NRCAM: variants seen among roughly 807,000 people sequenced by gnomAD.
NRCAM encodes the protein neuronal cell adhesion molecule, also known as NgCAM-related cell adhesion molecule.
Under a neutral mutation model 156.5 loss-of-function variants are expected in NRCAM, and 83 were observed. The observed-to-expected ratio is 0.53, with a 90% CI of 0.44 to 0.64. The LOEUF (loss-of-function observed/expected upper bound fraction) is 0.64. Ranked by LOEUF, NRCAM falls within the 30% of genes least tolerant of loss-of-function variation. NRCAM has a pLI of 0.00. For synonymous variants in NRCAM, 538 were observed against 563.9 expected, an observed-to-expected ratio of 0.95 and a Z score of 0.65; for missense variants, 1,417 against 1,597.3, an observed-to-expected ratio of 0.89 and a Z score of 1.92.
At chr7:108,396,909 A>G (rs918062473) in intron 2 of NRCAM, among the ~76,000 whole-genome samples, 1 of 152,222 alleles carries the variant, frequency 6.6e-6, no homozygotes, top group Non-Finnish European at 1.5e-5. Context: ...AACAAAATCT[A>G]TGTTAAAAAT....
intron 2 of NRCAM, among the ~76,000 whole-genome samples, chr7:108,358,274 G>A (rs949637901): frequency 6.6e-6 from 1 of 150,706 alleles, no homozygotes; most frequent in Non-Finnish European, 1.5e-5. Context: ...GCCTGACAGT[G>A]CATGCCTGTA....
chr7:108,405,413 A>G (rs1313894841), intron 1 of NRCAM, among the ~76,000 whole-genome samples: 1 of 152,210 alleles, frequency 6.6e-6, no homozygotes, highest in Non-Finnish European at 1.5e-5. Flanking sequence ...CATGGTCCAT[A>G]CTTGGGACTC....
At chr7:108,366,405 T>G (rs1195879963) in intron 2 of NRCAM, among the ~76,000 whole-genome samples, 2 of 152,248 alleles carry the variant, frequency 1.3e-5, no homozygotes, top group Non-Finnish European at 2.9e-5. Context: ...TGATATATTC[T>G]GAATGTCTGC....
chr7:108,368,179 G>A (rs369333436), intron 2 of NRCAM, among the ~76,000 whole-genome samples: 3 of 151,364 alleles, frequency 2.0e-5, no homozygotes, highest in East Asian at 1.9e-4. Flanking sequence ...ATTTAGCACC[G>A]GCTCTTCCTG....
intron 3 of NRCAM, among the ~76,000 whole-genome samples, chr7:108,275,788 T>C (rs968169355): frequency 2.0e-5 from 3 of 152,212 alleles, no homozygotes; most frequent in Non-Finnish European, 4.4e-5. Context: ...TTTGAATTTG[T>C]TTGCTCTTGC....
intron 11 of NRCAM, among the ~76,000 whole-genome samples, chr7:108,215,731 CTTTT>C (rs60725485): frequency 6.3e-5 from 8 of 127,634 alleles, no homozygotes; most frequent in Non-Finnish European, 8.2e-5. Flanking sequence ...CAACCCCTGC[CTTTT>C]TTTTTTTTTT....
chr7:108,278,506 A>G (rs12667098), intron 3 of NRCAM, among the ~76,000 whole-genome samples: 12,841 of 152,262 alleles, frequency 0.084, 838 homozygotes, highest in African/African-American at 0.18. Context: ...GTCCCAGGTC[A>G]ATCTCAGGCT....
At chr7:108,283,116 T>C (rs1235154229) in intron 3 of NRCAM, among the ~76,000 whole-genome samples, 1 of 152,238 alleles carries the variant, frequency 6.6e-6, no homozygotes, top group Non-Finnish European at 1.5e-5. Flanking sequence ...AATGTAAGAA[T>C]GTTGTGAGAA....
At chr7:108,350,901 A>G (rs2099407562) in intron 2 of NRCAM, among the ~76,000 whole-genome samples, 1 of 152,218 alleles carries the variant, frequency 6.6e-6, no homozygotes, top group Non-Finnish European at 1.5e-5. Flanking sequence ...TGGGATCCCC[A>G]ATAGTATATA....
At chr7:108,282,718 G>GGAAAAAA (rs1554454042) in intron 3 of NRCAM, among the ~76,000 whole-genome samples, 1 of 151,678 alleles carries the variant, frequency 6.6e-6, no homozygotes, top group African/African-American at 2.4e-5. Flanking sequence ...GGGGGCACAG[G>GGAAAAAA]GAGAAAAAGA....
chr7:108,272,376 A>T (rs2097386679), intron 3 of NRCAM, among the ~76,000 whole-genome samples: 1 of 152,202 alleles, frequency 6.6e-6, no homozygotes, highest in Non-Finnish European at 1.5e-5. Context: ...TCTTTGCTGA[A>T]CACACACACT....
intron 1 of NRCAM, among the ~76,000 whole-genome samples, chr7:108,424,808 T>C (rs1016856370): frequency 3.0e-5 from 4 of 133,258 alleles, no homozygotes; most frequent in African/African-American, 1.0e-4. Context: ...GCAATATGAC[T>C]ATAGCTCTAT....
At chr7:108,417,766 CTTTCTTT>C (rs1003652024) in intron 1 of NRCAM, among the ~76,000 whole-genome samples, 3 of 152,006 alleles carry the variant, frequency 2.0e-5, no homozygotes, top group Admixed American at 6.6e-5. Flanking sequence ...TTTTCACTCT[CTTTCTTT>C]TTTCTTTTGC....
intron 1 of NRCAM, among the ~76,000 whole-genome samples, chr7:108,427,236 T>C (rs890925293): frequency 6.6e-6 from 1 of 152,124 alleles, no homozygotes; most frequent in African/African-American, 2.4e-5. Flanking sequence ...GCATGCATAG[T>C]CTCTTCTCCA....
intron 2 of NRCAM, among the ~76,000 whole-genome samples, chr7:108,377,592 T>C (rs1407128157): frequency 1.3e-5 from 2 of 152,120 alleles, no homozygotes; most frequent in Non-Finnish European, 2.9e-5. Flanking sequence ...CACAATAGGC[T>C]GGAAAAGACC....
chr7:108,336,268 T>C (rs550205092), intron 2 of NRCAM, among the ~76,000 whole-genome samples: 1 of 152,364 alleles, frequency 6.6e-6, no homozygotes, highest in Non-Finnish European at 1.5e-5. Context: ...TCCAATTTGA[T>C]GCTTTTTCTG....
chr7:108,434,096 A>G (rs1031943944), intron 1 of NRCAM, among the ~76,000 whole-genome samples: 1 of 152,204 alleles, frequency 6.6e-6, no homozygotes, highest in Non-Finnish European at 1.5e-5. Flanking sequence ...TCTGAACAGC[A>G]TTTATTTATG....
chr7:108,238,018 T>G (rs1274670881), intron 4 of NRCAM, among the ~76,000 whole-genome samples: 1 of 152,212 alleles, frequency 6.6e-6, no homozygotes, highest in East Asian at 1.9e-4. Flanking sequence ...AGCAATGCTG[T>G]AGGCAAACGA....
intron 2 of NRCAM, among the ~76,000 whole-genome samples, chr7:108,333,016 T>C (rs1369211601): frequency 2.6e-5 from 4 of 152,192 alleles, no homozygotes; most frequent in Non-Finnish European, 5.9e-5. Context: ...TACCAGCAAT[T>C]TTATATGATT....
Sources: gnomAD v4.1 joint callset for allele counts (sites outside exome capture counted in the v4.1 genomes callset) on GRCh38, gnomAD v4.1.1 for gene constraint, MANE v1.5 for transcripts, NCBI Gene and HGNC (gene_info 2026-07-23, HGNC 2026-07-21) for gene names.